Variants in BPTF observed in about 807,000 individuals in gnomAD.
The protein encoded by BPTF is bromodomain PHD finger transcription factor, also known as nucleosome-remodeling factor subunit BPTF.
In BPTF, 18 loss-of-function variants were observed where a neutral mutation model predicts 292.5. The observed-to-expected ratio is 0.06, with a 90% CI of 0.04 to 0.09. The LOEUF (loss-of-function observed/expected upper bound fraction) is 0.09, where lower values mean the gene tolerates loss of function less well. Among genes scored for constraint, BPTF ranks in the 10% least tolerant of loss-of-function variants. The probability of loss-of-function intolerance (pLI) is 1.00; values close to 1 mark genes in which losing one functional copy is unlikely to be tolerated. For missense variants in BPTF, 2,726 were observed against 3,498.7 expected, an observed-to-expected ratio of 0.78 and a Z score of 5.57; for synonymous variants, 1,225 against 1,251.9, an observed-to-expected ratio of 0.98 and a Z score of 0.45.
chr17:67,871,067 G>A (rs1037943863), intron 3 of BPTF, among the ~76,000 whole-genome samples: 2 of 151,860 alleles, frequency 1.3e-5, no homozygotes, highest in Non-Finnish European at 2.9e-5. Context: ...CACCGCGCCC[G>A]GCCGAAAATG....
intron 9 of BPTF, among the ~76,000 whole-genome samples, chr17:67,905,650 A>C (rs2062133223): frequency 1.3e-5 from 2 of 152,174 alleles, no homozygotes; most frequent in South Asian, 4.1e-4. Flanking sequence ...TTGAGGCTGC[A>C]GTAAGCTATA....
Position 67,825,971 on chromosome 17 carries a change from GCC to G in BPTF, c.254_255del (p.Pro85GlnfsTer43). The G allele has an allele frequency of 9.8e-7, 1 of 1,021,476 alleles. No individual in the cohort carries two copies. The highest frequency in any genetic ancestry group is 1.2e-6 in the Non-Finnish European group (1 of 854,438). The allele number at this position is 1,021,476 out of a possible 1,614,324, so 63.3% of individuals were successfully genotyped here. A position where few individuals can be genotyped will look rare whatever the true frequency, so the allele number is the denominator to read the frequency against. On this transcript the variant is annotated frameshift_variant, in exon 1 of 28. Transcript: ENST00000306378. LOFTEE classifies it high-confidence loss of function. The stretch of plus-strand genomic sequence containing the variant: ...GAGGAAGCCGCCGCCGCCGCCGCCG[GCC>G]CCCCCCAGCACCAGCGCCCCGGGCC... ...SRRKPPPPPP[A>X]PPSTSAPGRG...
chr17:67,907,013 C>T (rs2062249024), intron 9 of BPTF, among the ~76,000 whole-genome samples: 1 of 151,782 alleles, frequency 6.6e-6, no homozygotes, highest in South Asian at 2.1e-4. Flanking sequence ...GGCAAATCCC[C>T]ATCTCTACAA....
At chr17:67,876,349 G>C (rs986253094) in intron 4 of BPTF, among the ~76,000 whole-genome samples, 6 of 152,186 alleles carry the variant, frequency 3.9e-5, no homozygotes, top group Non-Finnish European at 5.9e-5. Context: ...AGTTCTTATG[G>C]GGACGACTTC....
In BPTF at chr17:67,948,298, G is replaced by A. The variant is rs782100405; in HGVS notation, c.7918G>A (p.Glu2640Lys). ...RALLDKDLQI[E>K]VQEELKRDLK... ...ACTCCTGGACAAGGATCTGCAAATT[G>A]AAGTGCAGGTAAGAGGGCACATCCT... Residue 2640 changes from glutamate (E) to lysine (K), a missense_variant, in exon 23 of 28, where the codon GAA becomes AAA. Glu to Lys is a moderately conservative substitution (Grantham distance 56). This residue lies in a region of BPTF where 148 missense variants were observed against 145.5 expected (regional missense o/e 1.02). Coordinates refer to ENST00000306378, the MANE Select transcript of BPTF (RefSeq NM_182641.4). 6.2e-7 allele frequency: 1 copy of A among 1,612,462 alleles called. No individual in the cohort carries two copies. Among genetic ancestry groups the A allele is most frequent in the Non-Finnish European group, 8.5e-7 (1 of 1,179,476 alleles).
chr17:67,897,658 G>A (rs550205984), intron 7 of BPTF, among the ~76,000 whole-genome samples: 1 of 152,242 alleles, frequency 6.6e-6, no homozygotes, highest in South Asian at 2.1e-4. Context: ...TAGGGCAGAA[G>A]CCACACTCTT....
At chr17:67,870,863 G>A (rs375829008) in intron 3 of BPTF, among the ~76,000 whole-genome samples, 2,415 of 130,504 alleles carry the variant, frequency 0.019, 31 homozygotes, top group Middle Eastern at 0.087. Context: ...TCCGCCTCCC[G>A]GGTTCACGCC....
chr17:67,912,036 C>A lies in BPTF; in HGVS notation c.4152C>A (p.Thr1384=). Residue 1384 remains threonine, a synonymous_variant, in exon 11 of 28, where the codon ACC becomes ACA. Transcript: ENST00000306378. ...GTGATCAAATAAAGCTAAAAAATAC[C>A]ACTGACAAAAAGAATAATGAAAATC... The part of the protein sequence containing the change: ...KCSDQIKLKN[T]TDKKNNENRE... The A allele has an allele frequency of 6.2e-7, 1 of 1,612,258 alleles. No homozygotes were observed. Among genetic ancestry groups the A allele is most frequent in the South Asian group, 1.1e-5 (1 of 90,558 alleles).
At chr17:67,889,130 T>A (rs2060938262) in intron 4 of BPTF, among the ~76,000 whole-genome samples, 1 of 152,280 alleles carries the variant, frequency 6.6e-6, no homozygotes, top group Non-Finnish European at 1.5e-5. Context: ...CTGATGTAGA[T>A]CTGTAGCCTG....
chr17:67,929,301 G>A, intron 16 of BPTF, 35 bp from the exon 17 acceptor site: 1 of 1,611,518 alleles, frequency 6.2e-7, no homozygotes, highest in Non-Finnish European at 8.5e-7. Flanking sequence ...CCAATAAAGT[G>A]ATAGTTTTTA....
intron 13 of BPTF, among the ~76,000 whole-genome samples, chr17:67,921,209 CAAAAAAAAAAAAA>C (rs60707445): frequency 4.1e-4 from 20 of 49,240 alleles, no homozygotes; most frequent in Admixed American, 1.1e-3. Context: ...GAATCCGTGT[CAAAAAAAAAAAAA>C]AAAAAAAAAA....
In BPTF at chr17:67,846,428, G is replaced by A. The variant is rs142321939; in HGVS notation, c.614-7512G>A. ...CCAGGGCTGTCCAATAGAACTTTTT[G>A]TGATGATGGAAATATTCTGTATGTG... On this transcript the variant is annotated intron_variant, in intron 1 of 27. Coordinates refer to ENST00000306378, the MANE Select transcript of BPTF (RefSeq NM_182641.4). Among the ~76,000 whole-genome samples, 59 of 152,294 alleles carry A rather than the reference G, an allele frequency of 3.9e-4. 1 individual carries two copies. Among genetic ancestry groups the A allele is most frequent in the Admixed American group, 6.5e-4 (10 of 15,306 alleles).
chr17:67,939,248 A>G (rs2065172349), intron 18 of BPTF, among the ~76,000 whole-genome samples: 1 of 152,222 alleles, frequency 6.6e-6, no homozygotes, highest in African/African-American at 2.4e-5. Flanking sequence ...ATGTCAAAAT[A>G]AGTTTCATTT....
At chr17:67,921,759 C>T (rs926182482) in intron 13 of BPTF, among the ~76,000 whole-genome samples, 2 of 151,600 alleles carry the variant, frequency 1.3e-5, no homozygotes, top group East Asian at 2.0e-4. Context: ...CGGCCAGGTG[C>T]GGTGGCTTCC....
chr17:67,841,501 G>C (rs566696002), intron 1 of BPTF, among the ~76,000 whole-genome samples: 1 of 151,860 alleles, frequency 6.6e-6, no homozygotes, highest in African/African-American at 2.4e-5. Flanking sequence ...TTTTTGACTA[G>C]TGATAGAATG....
At position 67,912,697 on chromosome 17, in the gene BPTF, G is replaced by T; in HGVS notation, c.4813G>T (p.Val1605Leu). 1 of 1,613,988 alleles carries T rather than the reference G, an allele frequency of 6.2e-7. No homozygotes were observed. Among genetic ancestry groups the T allele is most frequent in the Non-Finnish European group, 8.5e-7 (1 of 1,180,036 alleles). ...VATESKTVIK[V>L]EKGDKQTVVS... ...CACAGAATCAAAAACTGTGATCAAGGTAGAAAAAGGCGATAAGCAAACTGT... is the reference window on the plus strand; with the variant it reads ...CACAGAATCAAAAACTGTGATCAAGTTAGAAAAAGGCGATAAGCAAACTGT... The change falls in exon 11 of 28, where the codon GTA becomes TTA. Residue 1605 changes from valine to leucine, a missense_variant. Transcript: ENST00000306378.
At position 67,926,449 on chromosome 17, in the gene BPTF, C is replaced by G. The variant is rs893606411; in HGVS notation, c.5751+1860C>G. On this transcript the variant is annotated intron_variant, in intron 15 of 27. Coordinates refer to ENST00000306378, the MANE Select transcript of BPTF (RefSeq NM_182641.4). ...ACGCCATTCTCCTGCCTCAGCCTCCCGAGTAACTGTGACTATAGGCGCCCG... is the reference window on the plus strand; with the variant it reads ...ACGCCATTCTCCTGCCTCAGCCTCCGGAGTAACTGTGACTATAGGCGCCCG... Among the ~76,000 whole-genome samples, 17 of 150,828 alleles carry G rather than the reference C, an allele frequency of 1.1e-4. No individual in the cohort carries two copies. In the Admixed American group the frequency reaches 1.1e-3, roughly 10 times the overall value.
At chr17:67,827,961 T>C (rs1377265107) in intron 1 of BPTF, among the ~76,000 whole-genome samples, 1 of 150,850 alleles carries the variant, frequency 6.6e-6, no homozygotes, top group African/African-American at 2.4e-5. Flanking sequence ...AGAGGGAGTC[T>C]TGCTCTGTCG....
intron 18 of BPTF, among the ~76,000 whole-genome samples, chr17:67,934,526 AAAAAG>A (rs979582679): frequency 3.9e-5 from 6 of 152,110 alleles, no homozygotes; most frequent in South Asian, 2.1e-4. Context: ...TCTCAAAAAA[AAAAAG>A]AAAAGAAAAA....
Sources: gnomAD v4.1 joint callset for allele counts (sites outside exome capture counted in the v4.1 genomes callset) on GRCh38, gnomAD v4.1.1 for gene constraint, gnomAD v4.1.1 regional missense constraint, MANE v1.5 for transcripts, NCBI Gene and HGNC (gene_info 2026-07-23, HGNC 2026-07-21) for gene names.